Variants in MAP2 observed in about 807,000 individuals in gnomAD.
MAP2 encodes the protein microtubule associated protein 2.
In MAP2, 14 loss-of-function variants were observed where a neutral mutation model predicts 137.6. The ratio of observed to expected loss-of-function variants is 0.10; its 90% CI spans 0.07 to 0.16. MAP2 has a LOEUF of 0.16. Among genes scored for constraint, MAP2 ranks in the 10% least tolerant of loss-of-function variants. MAP2 has a pLI of 1.00. For missense variants in MAP2, 2,088 were observed against 2,191.5 expected, an observed-to-expected ratio of 0.95 and a Z score of 0.94; for synonymous variants, 786 against 782.3, an observed-to-expected ratio of 1.00 and a Z score of -0.08.
chr2:209,636,381 AC>A (rs558277072), intron 4 of MAP2, among the ~76,000 whole-genome samples: 1 of 152,068 alleles, frequency 6.6e-6, no homozygotes, highest in Admixed American at 6.6e-5. Flanking sequence ...AGTTCTTCCT[AC>A]TGGCCTACTG....
intron 5 of MAP2, among the ~76,000 whole-genome samples, chr2:209,656,204 G>A (rs1478192214): frequency 6.6e-6 from 1 of 152,098 alleles, no homozygotes; most frequent in African/African-American, 2.4e-5. Flanking sequence ...GGAGAGTGGA[G>A]AATATTAGAA....
chr2:209,470,352 C>T lies in MAP2; in HGVS notation c.-221-37240C>T, dbSNP rs868385732. On this transcript the variant is annotated intron_variant, in intron 1 of 15. Coordinates refer to ENST00000682079, the MANE Select transcript of MAP2 (RefSeq NM_001375505.1). ...TTTATCTAGCCAAGCGTATTATTAA[C>T]GTGTCTTCTTTAGCAGTTTGAATTT... Among the ~76,000 whole-genome samples, 8 of 152,120 alleles carry T rather than the reference C, an allele frequency of 5.3e-5. 1 individual carries two copies. The highest frequency in any genetic ancestry group is 3.9e-4 in the Admixed American group (6 of 15,260).
intron 5 of MAP2, among the ~76,000 whole-genome samples, chr2:209,656,134 T>C (rs1205014495): frequency 6.6e-6 from 1 of 152,194 alleles, no homozygotes; most frequent in African/African-American, 2.4e-5. Context: ...ATAATAATTT[T>C]TAAAGATGCA....
chr2:209,681,451 A>G (rs2054525707), intron 7 of MAP2, among the ~76,000 whole-genome samples: 1 of 152,198 alleles, frequency 6.6e-6, no homozygotes. Context: ...CTTACTCAAC[A>G]TGGAATGTCA....
intron 7 of MAP2, among the ~76,000 whole-genome samples, chr2:209,685,696 G>C (rs1009016373): frequency 2.0e-5 from 3 of 152,034 alleles, no homozygotes; most frequent in Non-Finnish European, 4.4e-5. Flanking sequence ...TCTTTTTGTT[G>C]TTTCCTGATT....
At chr2:209,499,553 A>C (rs1384569312) in intron 1 of MAP2, among the ~76,000 whole-genome samples, 1 of 152,156 alleles carries the variant, frequency 6.6e-6, no homozygotes, top group Non-Finnish European at 1.5e-5. Flanking sequence ...TCAATGTATT[A>C]GGCTGTTCTT....
intron 7 of MAP2, among the ~76,000 whole-genome samples, chr2:209,686,360 T>C (rs2057006913): frequency 1.3e-5 from 2 of 152,198 alleles, no homozygotes; most frequent in South Asian, 4.1e-4. Flanking sequence ...TCCTCATGAT[T>C]TCAGACTTAT....
intron 4 of MAP2, among the ~76,000 whole-genome samples, chr2:209,636,312 G>A (rs2093557191): frequency 6.6e-6 from 1 of 151,938 alleles, no homozygotes; most frequent in Admixed American, 6.6e-5. Flanking sequence ...AAAAGCAAAG[G>A]GCCAACACAA....
intron 2 of MAP2, among the ~76,000 whole-genome samples, chr2:209,509,462 A>T (rs1000553933): frequency 6.6e-5 from 10 of 151,976 alleles, no homozygotes; most frequent in Non-Finnish European, 1.3e-4. Context: ...TCCCACTTGG[A>T]TATGTGTGGT....
At chr2:209,700,100 C>G (rs963843848) in intron 10 of MAP2, among the ~76,000 whole-genome samples, 177 bp from the exon 11 acceptor site, 1 of 152,186 alleles carries the variant, frequency 6.6e-6, no homozygotes, top group Non-Finnish European at 1.5e-5. Context: ...GTTGGAGCCA[C>G]ATGCTATGTT....
In MAP2 at chr2:209,693,789, G is replaced by A. The variant is rs763103929; in HGVS notation, c.1619G>A (p.Arg540Lys). 2 of 1,613,906 alleles carry A rather than the reference G, an allele frequency of 1.2e-6. No individual in the cohort carries two copies. The highest frequency in any genetic ancestry group is 1.7e-6 in the Non-Finnish European group (2 of 1,179,986). Residue 540 changes from arginine to lysine, a missense_variant, in exon 8 of 16, where the codon AGA (arginine) becomes AAA (lysine). By Grantham distance (26) the Arg-to-Lys change is conservative. Transcript: ENST00000682079. ...TCAATTCAGGAACTTTTTGAAATGA[G>A]AGTTGATGACAAAGATAAGATTGAA... ...KSSIQELFEM[R>K]VDDKDKIEGV... is the part of the protein sequence containing the mutation.
chr2:209,540,084 G>C (rs996829682), intron 2 of MAP2, among the ~76,000 whole-genome samples: 1 of 121,548 alleles, frequency 8.2e-6, no homozygotes, highest in Non-Finnish European at 1.6e-5. Flanking sequence ...CTGGGTGACA[G>C]AGGGAGACGT....
intron 3 of MAP2, among the ~76,000 whole-genome samples, chr2:209,623,731 T>A (rs1047894911): frequency 1.3e-5 from 2 of 152,092 alleles, no homozygotes; most frequent in African/African-American, 4.8e-5. Context: ...ATATTCCAAA[T>A]GTGAGAACCA....
intron 1 of MAP2, among the ~76,000 whole-genome samples, chr2:209,467,198 C>T (rs1325573317): frequency 2.0e-5 from 3 of 152,176 alleles, no homozygotes. Flanking sequence ...ATTTCCACCT[C>T]ACTTATTCAG....
At chr2:209,593,087 ATATAT>A (rs565768788) in intron 3 of MAP2, among the ~76,000 whole-genome samples, 3 of 152,122 alleles carry the variant, frequency 2.0e-5, no homozygotes, top group African/African-American at 7.2e-5. Flanking sequence ...TTAGGTACTC[ATATAT>A]TAATTTCCAA....
chr2:209,590,333 AAATTAAG>A (rs2078912405), intron 3 of MAP2, among the ~76,000 whole-genome samples: 1 of 152,096 alleles, frequency 6.6e-6, no homozygotes, highest in Non-Finnish European at 1.5e-5. Context: ...ATTTAAATTC[AAATTAAG>A]AATTTTTTTT....
At chr2:209,614,467 A>G (rs2088321584) in intron 3 of MAP2, among the ~76,000 whole-genome samples, 1 of 152,130 alleles carries the variant, frequency 6.6e-6, no homozygotes, top group Admixed American at 6.6e-5. Context: ...ATCATCATGT[A>G]TATTTCCAAG....
intron 2 of MAP2, among the ~76,000 whole-genome samples, chr2:209,540,097 TAAAAAAAAAAAA>T (rs35280709): frequency 7.6e-5 from 3 of 39,524 alleles, no homozygotes; most frequent in African/African-American, 2.4e-4. Flanking sequence ...GGAGACGTTG[TAAAAAAAAAAAA>T]AAAAAAAAAA....
At chr2:209,521,889 TAGTTC>T (rs776153530) in intron 2 of MAP2, among the ~76,000 whole-genome samples, 10 of 152,276 alleles carry the variant, frequency 6.6e-5, no homozygotes, top group Non-Finnish European at 1.3e-4. Context: ...CATAGCAGTG[TAGTTC>T]AGTTCAGTTT....
Sources: gnomAD v4.1 joint callset for allele counts (sites outside exome capture counted in the v4.1 genomes callset) on GRCh38, gnomAD v4.1.1 for gene constraint, MANE v1.5 for transcripts, NCBI Gene and HGNC (gene_info 2026-07-23, HGNC 2026-07-21) for gene names.